KCNN3: variants seen among roughly 807,000 people sequenced by gnomAD.
KCNN3 encodes the protein potassium calcium-activated channel subfamily N member 3, also known as small conductance calcium-activated potassium channel protein 3.
KCNN3 carries 16 observed loss-of-function variants against 62.9 expected under a neutral mutation model. The observed-to-expected ratio is 0.25, with a 90% CI of 0.17 to 0.39. The LOEUF is 0.39. KCNN3 is among the 10% of genes least tolerant of loss of function. The pLI, the probability that KCNN3 is intolerant of heterozygous loss-of-function variation, is 1.00. For missense variants in KCNN3, 599 were observed against 949.4 expected (o/e 0.63, Z 4.85); for synonymous variants, 370 against 389.2 (o/e 0.95, Z 0.58).
chr1:154,811,546 T>C (rs1201206999), intron 2 of KCNN3, among the ~76,000 whole-genome samples: 2 of 152,196 alleles, frequency 1.3e-5, no homozygotes, highest in African/African-American at 4.8e-5. Context: ...CCCACCATCA[T>C]GCTAACAGGA....
At chr1:154,804,933 G>C (rs1650105553) in intron 2 of KCNN3, among the ~76,000 whole-genome samples, 1 of 152,118 alleles carries the variant, frequency 6.6e-6, no homozygotes. Context: ...AACTGATGCA[G>C]ACACCGAAAA....
intron 2 of KCNN3, among the ~76,000 whole-genome samples, chr1:154,787,821 C>T (rs1261753544): frequency 1.3e-5 from 2 of 151,910 alleles, no homozygotes; most frequent in Non-Finnish European, 2.9e-5. Context: ...TCCAAAAAGG[C>T]CCCAGGCCTG....
At chr1:154,843,120 T>C (rs889489295) in intron 1 of KCNN3, among the ~76,000 whole-genome samples, 2 of 152,268 alleles carry the variant, frequency 1.3e-5, no homozygotes, top group South Asian at 2.1e-4. Flanking sequence ...TAGACATAGA[T>C]GCTGAAGAAG....
intron 1 of KCNN3, among the ~76,000 whole-genome samples, chr1:154,866,217 T>A (rs1007916763): frequency 6.6e-6 from 1 of 152,172 alleles, no homozygotes; most frequent in African/African-American, 2.4e-5. Context: ...AACTTCTCAC[T>A]CCGTTGACAA....
intron 7 of KCNN3, 40 bp from the exon 8 acceptor site, chr1:154,708,312 G>A: frequency 6.3e-7 from 1 of 1,598,814 alleles, no homozygotes; most frequent in Non-Finnish European, 8.6e-7. Flanking sequence ...GGAGATGACA[G>A]GTCATCACAG....
At position 154,705,476 on chromosome 1, in the gene KCNN3, CAT is replaced by C. The variant is rs201830419; in HGVS notation, c.*2498_*2499del. On this transcript the variant is annotated 3_prime_UTR_variant, in exon 8 of 8. Coordinates refer to ENST00000271915, the MANE Select transcript of KCNN3 (RefSeq NM_002249.6). ...TAGGTCAATTCATGCTACAAATGTC[CAT>C]GTGTTTCTAGGATGCCAGTGGCTAC... is the stretch of plus-strand genomic sequence containing the variant. The C allele has an allele frequency of 6.7e-6, 1 of 148,922 alleles. No individual in the cohort carries two copies. The highest frequency in any genetic ancestry group is 2.4e-5 in the African/African-American group (1 of 40,954). 9.2% of individuals were successfully genotyped at this position (148,922 alleles called of 1,614,324 possible). A position where few individuals can be genotyped will look rare whatever the true frequency, so the allele number is the denominator to read the frequency against.
chr1:154,771,291 C>G (rs1358983818), intron 3 of KCNN3, among the ~76,000 whole-genome samples: 1 of 152,124 alleles, frequency 6.6e-6, no homozygotes, highest in East Asian at 1.9e-4. Flanking sequence ...CCATGAGTAG[C>G]TTCTCTGAAT....
intron 1 of KCNN3, among the ~76,000 whole-genome samples, chr1:154,866,457 C>A (rs1476359715): frequency 6.6e-6 from 1 of 152,164 alleles, no homozygotes; most frequent in African/African-American, 2.4e-5. Flanking sequence ...CAAGATCACA[C>A]AAATAGTAGT....
chr1:154,853,102 A>C (rs1367434728), intron 1 of KCNN3, among the ~76,000 whole-genome samples: 1 of 151,284 alleles, frequency 6.6e-6, no homozygotes, highest in Non-Finnish European at 1.5e-5. Flanking sequence ...GGATCTTCCC[A>C]CCCCAGCCAC....
At chr1:154,763,202 A>G (rs1178118037) in intron 3 of KCNN3, among the ~76,000 whole-genome samples, 2 of 152,114 alleles carry the variant, frequency 1.3e-5, no homozygotes, top group African/African-American at 2.4e-5. Context: ...TTTTTTCTCA[A>G]TTAAATTTAT....
chr1:154,840,209 G>A (rs1183481468), intron 1 of KCNN3, among the ~76,000 whole-genome samples: 1 of 152,286 alleles, frequency 6.6e-6, no homozygotes, highest in East Asian at 1.9e-4. Flanking sequence ...TATTAAAAGT[G>A]TCTATTCTAA....
intron 2 of KCNN3, among the ~76,000 whole-genome samples, chr1:154,814,210 T>C (rs2335406): frequency 0.61 from 92,384 of 152,172 alleles, 29,511 homozygotes; most frequent in African/African-American, 0.8. Flanking sequence ...TTAGAGGCTC[T>C]ACTTTCTCCT....
intron 1 of KCNN3, among the ~76,000 whole-genome samples, chr1:154,836,192 G>C (rs1244578775): frequency 6.6e-6 from 1 of 152,200 alleles, no homozygotes; most frequent in Non-Finnish European, 1.5e-5. Context: ...TTCCTTCTTT[G>C]AGTGTTGAGC....
Position 154,870,115 on chromosome 1 carries a change from G to A in KCNN3, c.-151C>T. 1 of 888,064 alleles carries A rather than the reference G, an allele frequency of 1.1e-6. No homozygotes were observed. The highest frequency in any genetic ancestry group is 1.8e-6 in the Non-Finnish European group (1 of 542,844). The allele number at this position is 888,064 out of a possible 1,614,324, so 55.0% of individuals were successfully genotyped here. ...CTTTGGCTTGCTTCGGTTCTCTGGG[G>A]CTGCCTGGAGTCCAGACGCTGCCAC... On this transcript the variant is annotated 5_prime_UTR_variant, in exon 1 of 8. Coordinates refer to ENST00000271915, the MANE Select transcript of KCNN3 (RefSeq NM_002249.6).
intron 2 of KCNN3, among the ~76,000 whole-genome samples, chr1:154,814,937 T>C (rs1187057724): frequency 2.0e-5 from 3 of 152,204 alleles, no homozygotes; most frequent in Admixed American, 6.5e-5. Context: ...TCAATTTCCC[T>C]TGTGTGCTGT....
At chr1:154,754,679 C>T (rs565243729) in intron 3 of KCNN3, among the ~76,000 whole-genome samples, 8 of 152,290 alleles carry the variant, frequency 5.3e-5, no homozygotes, top group East Asian at 3.9e-4. Flanking sequence ...CACGTACCAA[C>T]GATGGCAGGG....
intron 1 of KCNN3, among the ~76,000 whole-genome samples, chr1:154,838,168 T>C (rs1406979424): frequency 6.6e-6 from 1 of 152,006 alleles, no homozygotes; most frequent in Non-Finnish European, 1.5e-5. Context: ...CGGCCACGGG[T>C]GTGGAGAACG....
chr1:154,845,423 A>G (rs1652013620), intron 1 of KCNN3, among the ~76,000 whole-genome samples: 1 of 152,128 alleles, frequency 6.6e-6, no homozygotes, highest in African/African-American at 2.4e-5. Context: ...CCGGCTCCAA[A>G]TGGAACCAGA....
At chr1:154,845,701 C>T (rs1310235540) in intron 1 of KCNN3, among the ~76,000 whole-genome samples, 2 of 152,214 alleles carry the variant, frequency 1.3e-5, no homozygotes, top group African/African-American at 4.8e-5. Context: ...CACACACACA[C>T]TTCCCTAGGG....
Sources: allele counts gnomAD v4.1 joint callset (sites outside exome capture counted in the v4.1 genomes callset), GRCh38; gene constraint gnomAD v4.1.1; transcripts MANE v1.5; gene names NCBI Gene and HGNC (gene_info 2026-07-23, HGNC 2026-07-21).